Variants in CEP43 observed in about 807,000 individuals in gnomAD.
The protein encoded by CEP43 is centrosomal protein 43.
A neutral mutation model predicts 52.6 loss-of-function variants in CEP43; 36 were observed. That is an observed-to-expected ratio of 0.68 (90% CI 0.52 to 0.90). CEP43 has a LOEUF of 0.90. Ranked by LOEUF, CEP43 falls within the 40% of genes least tolerant of loss-of-function variation. The pLI is 0.00. For missense variants in CEP43, 506 were observed against 472.8 expected, an observed-to-expected ratio of 1.07 and a Z score of -0.65; for synonymous variants, 192 against 172.4, an observed-to-expected ratio of 1.11 and a Z score of -0.89.
intron 7 of CEP43, among the ~76,000 whole-genome samples, chr6:167,015,697 A>G (rs1780079759): frequency 1.3e-5 from 2 of 152,198 alleles, no homozygotes; most frequent in South Asian, 4.1e-4. Context: ...GGCGACAAGT[A>G]CTAGTGGCTC....
chr6:167,032,577 A>G, intron 10 of CEP43, 26 bp from the exon 11 acceptor site: 1 of 1,551,750 alleles, frequency 6.4e-7, no homozygotes, highest in Non-Finnish European at 8.7e-7. Context: ...CATTAGATAT[A>G]ACATATCTTT....
At chr6:167,024,258 G>A (rs975783448) in intron 8 of CEP43, among the ~76,000 whole-genome samples, 2 of 152,118 alleles carry the variant, frequency 1.3e-5, no homozygotes, top group Non-Finnish European at 2.9e-5. Context: ...AGAGGAGAGT[G>A]GAGAAAGCAT....
chr6:167,030,546 G>C (rs1780445698), intron 10 of CEP43, among the ~76,000 whole-genome samples: 1 of 152,172 alleles, frequency 6.6e-6, no homozygotes, highest in African/African-American at 2.4e-5. Flanking sequence ...CTTATGATCA[G>C]GGATTTCCAG....
intron 5 of CEP43, among the ~76,000 whole-genome samples, chr6:167,007,970 T>C (rs1002865125): frequency 2.6e-5 from 4 of 152,248 alleles, no homozygotes; most frequent in African/African-American, 7.2e-5. Flanking sequence ...TCATTCACTG[T>C]TGCAGAATTA....
chr6:167,028,964 G>C (rs1001085216), intron 10 of CEP43, among the ~76,000 whole-genome samples: 3 of 152,190 alleles, frequency 2.0e-5, no homozygotes, highest in African/African-American at 4.8e-5. Flanking sequence ...TAGGTACTTT[G>C]CATATTTAAA....
At chr6:167,027,532 C>T (rs1485770210) in intron 10 of CEP43, among the ~76,000 whole-genome samples, 2 of 152,134 alleles carry the variant, frequency 1.3e-5, no homozygotes, top group Non-Finnish European at 2.9e-5. Flanking sequence ...GGTGTGTCCC[C>T]ATTTGCTTTT....
At chr6:167,009,020 C>T (rs182115166) in intron 5 of CEP43, among the ~76,000 whole-genome samples, 34 of 152,064 alleles carry the variant, frequency 2.2e-4, no homozygotes, top group Admixed American at 1.7e-3. Context: ...TTTGGGAGGC[C>T]GAGGCAGGCG....
chr6:167,020,216 A>G (rs1238261526), intron 7 of CEP43, among the ~76,000 whole-genome samples: 2 of 152,230 alleles, frequency 1.3e-5, no homozygotes, highest in Admixed American at 1.3e-4. Context: ...TAAAATTATA[A>G]CTTGCTATTT....
intron 2 of CEP43, among the ~76,000 whole-genome samples, 185 bp from the exon 3 acceptor site, chr6:167,003,006 CAT>C (rs774371622): frequency 6.6e-5 from 10 of 152,292 alleles, no homozygotes; most frequent in South Asian, 4.1e-4. Context: ...TACAAATCTT[CAT>C]ATATGGTTTT....
intron 1 of CEP43, 122 bp from the exon 2 acceptor site, chr6:166,999,938 C>G: frequency 1.3e-6 from 1 of 759,108 alleles, no homozygotes; most frequent in Admixed American, 2.4e-5. Flanking sequence ...GAAGGCGTTT[C>G]TGACCTTTGC....
intron 7 of CEP43, among the ~76,000 whole-genome samples, chr6:167,020,898 G>C (rs1287652428): frequency 1.7e-5 from 2 of 115,966 alleles, no homozygotes; most frequent in African/African-American, 3.4e-5. Context: ...GACAGAGCGA[G>C]ACTCTGTCTC....
At chr6:167,004,954 T>G (rs1779819254) in intron 5 of CEP43, among the ~76,000 whole-genome samples, 1 of 152,248 alleles carries the variant, frequency 6.6e-6, no homozygotes, top group Admixed American at 6.5e-5. Flanking sequence ...TCAGTAGTAC[T>G]TTTCATACTC....
In CEP43 at chr6:167,039,911, A is replaced by G; in HGVS notation, c.1133A>G (p.Asp378Gly). ...TTCTTTTGAACAACAAAGCTTGATG[A>G]CCTCACACAAGATCTGACTGTATCC... Reference protein sequence around the residue: ...DDINTSDKLDDLTQDLTVSQL... With the variant: ...DDINTSDKLDGLTQDLTVSQL... The change falls in exon 13 of 13, where the codon GAC becomes GGC. Residue 378 changes from aspartate to glycine, a missense_variant. Physicochemically the swap from Asp to Gly is moderately conservative, Grantham distance 94. Transcript: ENST00000366847. The G allele has an allele frequency of 6.2e-7, 1 of 1,613,330 alleles. No individual in the cohort carries two copies. Among genetic ancestry groups the G allele is most frequent in the South Asian group, 1.1e-5 (1 of 90,984 alleles).
At chr6:167,027,894 G>A in intron 10 of CEP43, 2 of 985,690 alleles carry the variant, frequency 2.0e-6, no homozygotes, top group South Asian at 9.4e-5. Flanking sequence ...GAGCTGCCCG[G>A]ATTCTTGTTC....
intron 8 of CEP43, 43 bp from the exon 9 acceptor site, chr6:167,024,739 C>A: frequency 7.5e-7 from 1 of 1,332,890 alleles, no homozygotes; most frequent in Non-Finnish European, 1.1e-6. Flanking sequence ...TGTTTAGTGG[C>A]AGAACATAAG....
intron 12 of CEP43, among the ~76,000 whole-genome samples, chr6:167,037,105 G>A (rs1182931108): frequency 6.6e-6 from 1 of 152,068 alleles, no homozygotes; most frequent in Non-Finnish European, 1.5e-5. Flanking sequence ...TGTACCCGGC[G>A]GAAAGGCTTT....
In CEP43 at chr6:167,046,801, G is replaced by A. The variant is rs555017323; in HGVS notation, c.*6823G>A. On this transcript the variant is annotated 3_prime_UTR_variant, in exon 13 of 13. Coordinates refer to ENST00000366847, the MANE Select transcript of CEP43 (RefSeq NM_007045.4). Reference sequence around the variant, plus strand: ...CATTCTGCCTCAGGGTAAGAGGCCCGGCCCTCTCAGCCTGAGTCCATTCTG... The same window carrying A: ...CATTCTGCCTCAGGGTAAGAGGCCCAGCCCTCTCAGCCTGAGTCCATTCTG... 5.2e-5 allele frequency: 8 copies of A among 152,382 alleles called. No individual in the cohort carries two copies. In the South Asian group the frequency reaches 6.2e-4, roughly 12 times the overall value. 9.4% of individuals were successfully genotyped at this position (152,382 alleles called of 1,614,324 possible).
chr6:167,015,830 C>A (rs1780084391), intron 7 of CEP43, among the ~76,000 whole-genome samples: 1 of 151,604 alleles, frequency 6.6e-6, no homozygotes, highest in African/African-American at 2.4e-5. Context: ...GTAACTTGGG[C>A]AAAACTGAAG....
At chr6:167,022,749 A>G in intron 8 of CEP43, 114 bp downstream of exon 8, 5 of 730,244 alleles carry the variant, frequency 6.8e-6, no homozygotes, top group Non-Finnish European at 1.1e-5. Context: ...TTGGATCCAT[A>G]AATCTGACTA....
Sources: gnomAD v4.1 joint callset for allele counts (sites outside exome capture counted in the v4.1 genomes callset) on GRCh38, gnomAD v4.1.1 for gene constraint, MANE v1.5 for transcripts, NCBI Gene and HGNC (gene_info 2026-07-23, HGNC 2026-07-21) for gene names.